APBA2: variants seen among roughly 807,000 people sequenced by gnomAD.
APBA2 encodes amyloid-beta A4 precursor protein-binding family A member 2.
A neutral mutation model predicts 75.0 loss-of-function variants in APBA2; 30 were observed. That is an observed-to-expected ratio of 0.40 (90% CI 0.30 to 0.54). The LOEUF is 0.54. Among genes scored for constraint, APBA2 ranks in the 20% least tolerant of loss-of-function variants. The probability of loss-of-function intolerance (pLI) is 0.49; values close to 1 mark genes in which losing one functional copy is unlikely to be tolerated. For synonymous variants in APBA2, 444 were observed against 409.6 expected, an observed-to-expected ratio of 1.08 and a Z score of -1.01; for missense variants, 801 against 1,016.1, an observed-to-expected ratio of 0.79 and a Z score of 2.88.
intron 6 of APBA2, among the ~76,000 whole-genome samples, chr15:29,085,434 A>C (rs1368768898): frequency 6.6e-6 from 1 of 150,644 alleles, no homozygotes; most frequent in African/African-American, 2.5e-5. Context: ...CTGAGACAGG[A>C]GAATGGCGTG....
At chr15:29,001,038 T>A (rs1414834129) in intron 3 of APBA2, among the ~76,000 whole-genome samples, 1 of 151,922 alleles carries the variant, frequency 6.6e-6, no homozygotes, top group African/African-American at 2.4e-5. Flanking sequence ...GGGCTTCACT[T>A]TTTGGGACCT....
chr15:29,027,097 TG>T (rs2040259919), intron 3 of APBA2, among the ~76,000 whole-genome samples: 1 of 152,250 alleles, frequency 6.6e-6, no homozygotes, highest in South Asian at 2.1e-4. Flanking sequence ...ATGCTAATAG[TG>T]AACCTATTTG....
chr15:29,010,577 A>G (rs1398872806), intron 3 of APBA2, among the ~76,000 whole-genome samples: 1 of 152,132 alleles, frequency 6.6e-6, no homozygotes. Context: ...TTATATAGTT[A>G]GTACCTGAGA....
intron 6 of APBA2, among the ~76,000 whole-genome samples, chr15:29,091,198 G>A (rs2043553651): frequency 6.6e-6 from 1 of 152,148 alleles, no homozygotes; most frequent in African/African-American, 2.4e-5. Flanking sequence ...CGGCTCCAGG[G>A]CAAGGGGTGA....
intron 2 of APBA2, among the ~76,000 whole-genome samples, chr15:28,926,463 CT>C (rs1847559817): frequency 6.6e-6 from 1 of 152,150 alleles, no homozygotes. Context: ...CTTCCTGTCC[CT>C]TGTGACATTG....
chr15:29,026,203 A>G (rs919111534), intron 3 of APBA2, among the ~76,000 whole-genome samples: 2 of 152,146 alleles, frequency 1.3e-5, no homozygotes, highest in Non-Finnish European at 2.9e-5. Context: ...AGGGGCTCAA[A>G]TGTTCCTCAT....
intron 3 of APBA2, among the ~76,000 whole-genome samples, chr15:29,042,778 T>C (rs151093039): frequency 1.3e-5 from 2 of 152,210 alleles, no homozygotes; most frequent in African/African-American, 4.8e-5. Context: ...GCCGCTTCTC[T>C]GGGGGTGACA....
chr15:28,944,568 C>T (rs1403698898), intron 2 of APBA2, among the ~76,000 whole-genome samples: 1 of 152,206 alleles, frequency 6.6e-6, no homozygotes, highest in East Asian at 1.9e-4. Context: ...TTCTTAGAGT[C>T]GATGTCCCCT....
chr15:29,116,442 C>T (rs977207824), intron 14 of APBA2, among the ~76,000 whole-genome samples: 6 of 151,910 alleles, frequency 3.9e-5, no homozygotes, highest in Non-Finnish European at 7.4e-5. Context: ...CTGGCTAACA[C>T]GGTGAAACCC....
chr15:28,963,475 C>T (rs1290929596), intron 2 of APBA2, among the ~76,000 whole-genome samples: 2 of 152,140 alleles, frequency 1.3e-5, no homozygotes, highest in Non-Finnish European at 2.9e-5. Context: ...GAGAACCTTC[C>T]AGATGGGTTC....
intron 1 of APBA2, among the ~76,000 whole-genome samples, chr15:28,900,013 G>C (rs1435266443): frequency 1.3e-5 from 2 of 152,174 alleles, no homozygotes; most frequent in East Asian, 3.9e-4. Flanking sequence ...AGAGCAGGAG[G>C]TGAGGGACCC....
At chr15:29,072,636 A>G (rs1259340331) in intron 4 of APBA2, among the ~76,000 whole-genome samples, 3 of 152,092 alleles carry the variant, frequency 2.0e-5, no homozygotes, top group Admixed American at 6.6e-5. Context: ...TCGGGTGGTC[A>G]CAGCCCTCTT....
chr15:29,057,971 CAT>C (rs1419473713), intron 4 of APBA2, among the ~76,000 whole-genome samples: 7 of 152,168 alleles, frequency 4.6e-5, no homozygotes, highest in Admixed American at 1.3e-4. Context: ...ATTTCCATCT[CAT>C]AGAAGCACTC....
chr15:28,962,155 G>C (rs570891951), intron 2 of APBA2, among the ~76,000 whole-genome samples: 1 of 152,274 alleles, frequency 6.6e-6, no homozygotes, highest in South Asian at 2.1e-4. Context: ...CCTCATTGAG[G>C]TTCATTGTGG....
At chr15:29,105,858 G>A (rs950431844) in intron 11 of APBA2, among the ~76,000 whole-genome samples, 1 of 152,250 alleles carries the variant, frequency 6.6e-6, no homozygotes, top group Non-Finnish European at 1.5e-5. Flanking sequence ...TGAAAAGCAT[G>A]TGGCATCTCT....
At chr15:28,954,230 C>T (rs2036045352) in intron 2 of APBA2, among the ~76,000 whole-genome samples, 1 of 152,162 alleles carries the variant, frequency 6.6e-6, no homozygotes, top group Non-Finnish European at 1.5e-5. Context: ...CCTGATGGTT[C>T]CTGTTTCCAC....
At position 29,098,502 on chromosome 15, in the gene APBA2, G is replaced by A. The variant is rs780576233; in HGVS notation, c.1264G>A (p.Asp422Asn). 1.9e-6 allele frequency: 3 copies of A among 1,614,022 alleles called. No homozygotes were observed. Among genetic ancestry groups the A allele is most frequent in the Non-Finnish European group, 1.7e-6 (2 of 1,179,874 alleles). ...KIKKKANSEG[D>N]AQTLTEVDLF... is the part of the protein sequence containing the mutation. ...CTGTCCTTCTTAGAATTCTGAGGGG[G>A]ATGCCCAGACGCTGACGGAAGTGGA... is the stretch of plus-strand genomic sequence containing the variant. Residue 422 changes from aspartate (D) to asparagine (N), a missense_variant, in exon 9 of 15, where the codon GAT becomes AAT. Asp to Asn is a conservative substitution (Grantham distance 23). Coordinates refer to ENST00000683413, the MANE Select transcript of APBA2 (RefSeq NM_001353788.2).
intron 4 of APBA2, among the ~76,000 whole-genome samples, chr15:29,066,125 C>T (rs747811609): frequency 3.3e-5 from 5 of 152,154 alleles, no homozygotes; most frequent in African/African-American, 4.8e-5. Context: ...TCATTCATTG[C>T]GGCCCCAGTT....
At chr15:28,921,417 G>A (rs543102868) in intron 1 of APBA2, among the ~76,000 whole-genome samples, 1 of 152,208 alleles carries the variant, frequency 6.6e-6, no homozygotes, top group South Asian at 2.1e-4. Flanking sequence ...ACTTGGGGGA[G>A]AATCACGGTC....
Sources: gnomAD v4.1 joint callset for allele counts (sites outside exome capture counted in the v4.1 genomes callset) on GRCh38, gnomAD v4.1.1 for gene constraint, MANE v1.5 for transcripts, NCBI Gene and HGNC (gene_info 2026-07-23, HGNC 2026-07-21) for gene names.